PRDM8: variants seen among roughly 807,000 people sequenced by gnomAD.
PRDM8 encodes the protein PR/SET domain 8.
PRDM8 carries 13 observed loss-of-function variants against 46.5 expected under a neutral mutation model. That is an observed-to-expected ratio of 0.28 (90% confidence interval 0.18 to 0.44). The LOEUF is 0.44. Among genes scored for constraint, PRDM8 ranks in the 20% least tolerant of loss-of-function variants. The probability of loss-of-function intolerance (pLI) is 1.00; values close to 1 mark genes in which losing one functional copy is unlikely to be tolerated. For synonymous variants in PRDM8, 473 were observed against 438.4 expected, an observed-to-expected ratio of 1.08 and a Z score of -0.98; for missense variants, 998 against 955.0, an observed-to-expected ratio of 1.04 and a Z score of -0.59.
intron 3 of PRDM8, among the ~76,000 whole-genome samples, 179 bp downstream of exon 3, chr4:80,201,700 C>G (rs1403692349): frequency 6.6e-6 from 1 of 152,148 alleles, no homozygotes; most frequent in Non-Finnish European, 1.5e-5. Flanking sequence ...AGCGAGGAAA[C>G]TTGCTTGTTT....
upstream of PRDM8, among the ~76,000 whole-genome samples, chr4:80,194,893 TC>T (rs929986270): frequency 2.2e-4 from 34 of 152,306 alleles, no homozygotes; most frequent in African/African-American, 7.9e-4. Context: ...TGTTCCACCC[TC>T]AACTTAAGTA....
rs747489896 is a variant in PRDM8 at position 80,202,122 on chromosome 4, T to C, written c.660T>C (p.Pro220=). 7 of 1,602,126 alleles carry C rather than the reference T, an allele frequency of 4.4e-6. No individual in the cohort carries two copies. The highest frequency in any genetic ancestry group is 1.4e-5 in the African/African-American group (1 of 70,964). ...KDQQQQQQEA[P]LGPGPKFCKA... is the part of the protein sequence containing the mutation. ...AGCAGCAGCAGCAGCAGGAGGCACC[T>C]TTAGGCCCGGGTCCCAAGTTTTGCA... is the stretch of plus-strand genomic sequence containing the variant. The change falls in exon 4 of 4, where the codon CCT becomes CCC. Residue 220 remains proline, a synonymous_variant. Transcript: ENST00000415738.
rs774974278 is a variant in PRDM8, at chr4:80,201,240, T to A, written c.220-50T>A. 2.0e-6 allele frequency: 3 copies of A among 1,502,284 alleles called. No individual in the cohort carries two copies. In the Admixed American group the frequency reaches 5.2e-5, roughly 26 times the overall value. 93.1% of individuals were successfully genotyped at this position (1,502,284 alleles called of 1,614,324 possible). ...TTCTGATTTCATTCCCTCATGAGGG[T>A]CCCTCTCCCCCTCTCCTTCTTGTCT... On this transcript the variant is annotated intron_variant, in intron 2 of 3. Transcript: ENST00000415738.
At chr4:80,189,271 G>A (rs1348514739) in intron 1 of PRDM8, among the ~76,000 whole-genome samples, 1 of 152,158 alleles carries the variant, frequency 6.6e-6, no homozygotes, top group African/African-American at 2.4e-5. Flanking sequence ...ACTTATCCGC[G>A]TTTCTAACGT....
Position 80,197,597 on chromosome 4 carries a change from T to C in PRDM8, c.-169T>C. ...CACCCCCCCAATCTTTTTCTCCCCATCTCTCCATCTCTCTCTTATCTCTTC... is the reference window on the plus strand; with the variant it reads ...CACCCCCCCAATCTTTTTCTCCCCACCTCTCCATCTCTCTCTTATCTCTTC... On this transcript the variant is annotated 5_prime_UTR_variant, in exon 1 of 4. Coordinates refer to ENST00000415738, the MANE Select transcript of PRDM8 (RefSeq NM_001099403.2). 6 of 827,854 alleles carry C rather than the reference T, an allele frequency of 7.2e-6. No individual in the cohort carries two copies. The highest frequency in any genetic ancestry group is 8.6e-6 in the Non-Finnish European group (6 of 693,786). The allele number at this position is 827,854 out of a possible 1,614,324, so 51.3% of individuals were successfully genotyped here. A position where few individuals can be genotyped will look rare whatever the true frequency, so the allele number is the denominator to read the frequency against.
upstream of PRDM8, chr4:80,196,158 T>C (rs566278548): frequency 5.4e-6 from 5 of 933,434 alleles, no homozygotes; most frequent in African/African-American, 7.1e-5. Context: ...CCAAATACAT[T>C]ATTTCAACAC....
chr4:80,200,381 G>A (rs2109876008), intron 2 of PRDM8, 82 bp downstream of exon 2: 1 of 1,284,318 alleles, frequency 7.8e-7, no homozygotes, highest in South Asian at 1.3e-5. Context: ...AATGACAAGT[G>A]GAGATAGGTT....
Position 80,201,429 on chromosome 4 carries a change from T to C in PRDM8, c.359T>C (p.Ile120Thr), listed in dbSNP as rs779926327. The C allele has an allele frequency of 3.7e-6, 6 of 1,614,218 alleles. No individual in the cohort carries two copies. The highest frequency in any genetic ancestry group is 5.1e-6 in the Non-Finnish European group (6 of 1,180,038). ...CTGTTCTACCGCTCTCTCCGCAGGA[T>C]TGCCAAAGACGAGGAGTTACTAGTT... ...GQLFYRSLRR[I>T]AKDEELLVWY... is the part of the protein sequence containing the mutation. Residue 120 changes from isoleucine (I) to threonine (T), a missense_variant, in exon 3 of 4, where the codon ATT (isoleucine) becomes ACT (threonine). Transcript: ENST00000415738.
upstream of PRDM8, chr4:80,194,253 C>T (rs1578249538): frequency 6.2e-6 from 6 of 962,754 alleles, no homozygotes; most frequent in East Asian, 3.4e-4. Context: ...AGCATACCCA[C>T]TCTTCATTGT....
In PRDM8 at chr4:80,200,107, C is replaced by A. The variant is rs780149187; in HGVS notation, c.27C>A (p.Gly9=). ...TGGAGGATACTGGCATCCAGCGAGG[C>A]ATCTGGGATGGAGATGCCAAGGCTG... is the stretch of plus-strand genomic sequence containing the variant. MEDTGIQR[G]IWDGDAKAVQ... is the part of the protein sequence containing the mutation. The change falls in exon 2 of 4, where the codon GGC becomes GGA. Residue 9 remains glycine, a synonymous_variant. Transcript: ENST00000415738. 1.2e-6 allele frequency: 2 copies of A among 1,613,982 alleles called. No individual in the cohort carries two copies. Among genetic ancestry groups the A allele is most frequent in the Non-Finnish European group, 1.7e-6 (2 of 1,179,918 alleles).
upstream of PRDM8, among the ~76,000 whole-genome samples, chr4:80,193,297 A>G (rs1476943732): frequency 1.3e-5 from 2 of 152,146 alleles, no homozygotes; most frequent in African/African-American, 4.8e-5. Flanking sequence ...ACCTAAACTG[A>G]GTTTGCAATG....
chr4:80,203,101 G>T lies in PRDM8; in HGVS notation c.1639G>T (p.Val547Leu). The T allele has an allele frequency of 6.4e-7, 1 of 1,572,452 alleles. No individual in the cohort carries two copies. Among genetic ancestry groups the T allele is most frequent in the East Asian group, 2.3e-5 (1 of 42,762 alleles). The change falls in exon 4 of 4, where the codon GTG becomes TTG. Residue 547 changes from valine to leucine, a missense_variant. Coordinates refer to ENST00000415738, the MANE Select transcript of PRDM8 (RefSeq NM_001099403.2). The stretch of plus-strand genomic sequence containing the variant: ...TCCCGCCGCCGCGGACCCTCTAGCG[G>T]TGAAGCTCCAGGGGGCCGCGGACCT... ...LYPAAADPLA[V>L]KLQGAADLNG...
intron 1 of PRDM8, 109 bp downstream of exon 1, chr4:80,197,872 A>C: frequency 1.1e-6 from 1 of 900,272 alleles, no homozygotes; most frequent in Middle Eastern, 5.7e-4. Flanking sequence ...AGAGAGAAAA[A>C]TAATTCTTGA....
At position 80,201,255 on chromosome 4, in the gene PRDM8, C is replaced by T. The variant is rs766675467; in HGVS notation, c.220-35C>T. Reference sequence around the variant, plus strand: ...CTCATGAGGGTCCCTCTCCCCCTCTCCTTCTTGTCTTCTTTCATTTATTTC... The same window carrying T: ...CTCATGAGGGTCCCTCTCCCCCTCTTCTTCTTGTCTTCTTTCATTTATTTC... On this transcript the variant is annotated intron_variant, in intron 2 of 3. Transcript: ENST00000415738. 13 of 1,587,508 alleles carry T rather than the reference C, an allele frequency of 8.2e-6. No homozygotes were observed. In the South Asian group the frequency reaches 1.3e-4, roughly 16 times the overall value.
rs1317721429 is a variant in PRDM8 at position 80,203,294 on chromosome 4, T to C, written c.1832T>C (p.Leu611Pro). The C allele has an allele frequency of 1.2e-6, 2 of 1,608,350 alleles. No homozygotes were observed. Among genetic ancestry groups the C allele is most frequent in the African/African-American group, 1.3e-5 (1 of 74,744 alleles). Residue 611 changes from leucine (L) to proline (P), a missense_variant, in exon 4 of 4, where the codon CTG (leucine) becomes CCG (proline). Transcript: ENST00000415738. ...CTGCAGCTGCCCTCGGCGCTCACGCTGCTGCCGCCCTCCTTCACCTCGCTG... is the reference window on the plus strand; with the variant it reads ...CTGCAGCTGCCCTCGGCGCTCACGCCGCTGCCGCCCTCCTTCACCTCGCTG... The part of the protein sequence containing the change: ...LQLQLPSALT[L>P]LPPSFTSLCL...
At chr4:80,192,223 G>A (rs1414909829) in intron 2 of PRDM8, among the ~76,000 whole-genome samples, 2 of 152,162 alleles carry the variant, frequency 1.3e-5, no homozygotes, top group African/African-American at 4.8e-5. Context: ...AGCTAACTGG[G>A]ATTAGATGTC....
intron 1 of PRDM8, among the ~76,000 whole-genome samples, chr4:80,198,980 GTT>G (rs1413112507): frequency 9.6e-6 from 1 of 104,186 alleles, no homozygotes; most frequent in African/African-American, 3.5e-5. Context: ...GTTTTTTTGG[GTT>G]TTTTTTTTTT....
In PRDM8 at chr4:80,201,539, C is replaced by T. The variant is rs1180304189; in HGVS notation, c.451+18C>T. The T allele has an allele frequency of 8.7e-6, 14 of 1,607,686 alleles. No individual in the cohort carries two copies. The highest frequency in any genetic ancestry group is 2.2e-5 in the East Asian group (1 of 44,822). ...AATGAATGGTAGGTTGGCTCGCGAC[C>T]GGCGTGTGGGCCCTTAACTAGCGGG... On this transcript the variant is annotated intron_variant, in intron 3 of 3. Coordinates refer to ENST00000415738, the MANE Select transcript of PRDM8 (RefSeq NM_001099403.2).
In PRDM8 at chr4:80,202,067, A is replaced by ACGGGGG; in HGVS notation, c.609_614dup (p.Gly208_Gly209dup). 6.2e-7 allele frequency: 1 copy of ACGGGGG among 1,613,648 alleles called. No homozygotes were observed. Among genetic ancestry groups the ACGGGGG allele is most frequent in the Non-Finnish European group, 8.5e-7 (1 of 1,179,928 alleles). On this transcript the variant is annotated inframe_insertion, in exon 4 of 4. Coordinates refer to ENST00000415738, the MANE Select transcript of PRDM8 (RefSeq NM_001099403.2). ...GGCGGCGGCGTGGGCACCAAGGACC[A>ACGGGGG]CGGGGGCGGCGGCGGCGGTGGCAAA...
Sources: allele counts gnomAD v4.1 joint callset (sites outside exome capture counted in the v4.1 genomes callset), GRCh38; gene constraint gnomAD v4.1.1; transcripts MANE v1.5; gene names NCBI Gene and HGNC (gene_info 2026-07-23, HGNC 2026-07-21).